Variants in CDKL1 observed in about 807,000 individuals in gnomAD.
CDKL1 encodes cyclin-dependent kinase-like 1.
CDKL1 carries 41 observed loss-of-function variants against 42.0 expected under a neutral mutation model. The observed-to-expected ratio is 0.98, with a 90% CI of 0.76 to 1.27. CDKL1 has a LOEUF of 1.27. CDKL1 is among the 50% of genes most tolerant of loss of function. The pLI is 0.00. For synonymous variants in CDKL1, 153 were observed against 158.6 expected, an observed-to-expected ratio of 0.96 and a Z score of 0.26; for missense variants, 394 against 428.4, an observed-to-expected ratio of 0.92 and a Z score of 0.71.
At chr14:50,336,304 CTGGGAAGCCA>C (rs1386438146) in intron 7 of CDKL1, 8 of 1,197,176 alleles carry the variant, frequency 6.7e-6, no homozygotes, top group African/African-American at 1.6e-5. Context: ...AGGACAATCT[CTGGGAAGCCA>C]TGGGAAGCTT....
intron 2 of CDKL1, among the ~76,000 whole-genome samples, chr14:50,370,965 T>G (rs767340621): frequency 3.2e-4 from 48 of 152,158 alleles, no homozygotes; most frequent in Non-Finnish European, 5.7e-4. Flanking sequence ...ATCAATGAAT[T>G]CACTTGTTTC....
chr14:50,356,949 T>C (rs1046550755), intron 3 of CDKL1: 5 of 152,104 alleles, frequency 3.3e-5, no homozygotes, highest in African/African-American at 9.7e-5. Context: ...TCAAACTATA[T>C]GCCAAAAAAA....
intron 2 of CDKL1, among the ~76,000 whole-genome samples, chr14:50,372,503 C>G (rs1403467417): frequency 1.3e-5 from 2 of 152,182 alleles, no homozygotes; most frequent in Admixed American, 6.5e-5. Flanking sequence ...TAGGTTGTTT[C>G]TTTACAGTGT....
chr14:50,338,805 C>G, intron 7 of CDKL1, 142 bp downstream of exon 7: 1 of 676,204 alleles, frequency 1.5e-6, no homozygotes, highest in Non-Finnish European at 2.7e-6. Flanking sequence ...GCTAAAGTCT[C>G]GCTAGCCAAT....
chr14:50,329,059 A>T lies in CDKL1; in HGVS notation c.*1015T>A, dbSNP rs2032811790. ...AGCATATATATATATATATATATAT[A>T]TATACATACACATACATACACATAC... is the stretch of plus-strand genomic sequence containing the variant. On this transcript the variant is annotated 3_prime_UTR_variant, in exon 10 of 10. Transcript: ENST00000395834. 1 of 149,012 alleles carries T rather than the reference A, an allele frequency of 6.7e-6. No homozygotes were observed. The highest frequency in any genetic ancestry group is 1.5e-5 in the Non-Finnish European group (1 of 67,358). The allele number at this position is 149,012 out of a possible 1,614,324, so 9.2% of individuals were successfully genotyped here.
At chr14:50,385,055 A>T (rs2035033566) in intron 2 of CDKL1, among the ~76,000 whole-genome samples, 1 of 126,182 alleles carries the variant, frequency 7.9e-6, no homozygotes, top group African/African-American at 3.1e-5. Context: ...TGGGTGACAG[A>T]GCAAGACTCT....
chr14:50,392,932 T>C (rs1279388891), intron 2 of CDKL1, among the ~76,000 whole-genome samples: 1 of 152,198 alleles, frequency 6.6e-6, no homozygotes, highest in African/African-American at 2.4e-5. Context: ...TAGATTCCTA[T>C]GTGCTCTTCT....
intron 9 of CDKL1, chr14:50,331,731 T>C (rs1303882000): frequency 5.3e-6 from 2 of 374,104 alleles, no homozygotes; most frequent in Non-Finnish European, 4.8e-6. Flanking sequence ...CAATCAGGAT[T>C]CTTCACAGTC....
intron 2 of CDKL1, among the ~76,000 whole-genome samples, chr14:50,369,020 C>T (rs984275210): frequency 2.6e-5 from 4 of 151,892 alleles, no homozygotes; most frequent in African/African-American, 7.3e-5. Context: ...GTGTGCACCA[C>T]CATGCCTGGC....
In CDKL1 at chr14:50,366,676, G is replaced by A. The variant is rs529183800; in HGVS notation, c.169-7527C>T. On this transcript the variant is annotated intron_variant, in intron 2 of 9. Transcript: ENST00000395834. ...TGACTTGGAGCAGAGCAGAGGCAGG[G>A]TAGTCGGTGAGAAGCATTGTCTTGA... Among the ~76,000 whole-genome samples, 39 of 152,360 alleles carry A rather than the reference G, an allele frequency of 2.6e-4. No individual in the cohort carries two copies. The Middle Eastern group carries it at 0.01, about 40-fold the overall frequency.
chr14:50,391,937 C>T (rs902877297), intron 2 of CDKL1, among the ~76,000 whole-genome samples: 14 of 152,206 alleles, frequency 9.2e-5, no homozygotes, highest in Admixed American at 7.9e-4. Context: ...TAAAACTCTT[C>T]AAAACAGTTG....
At chr14:50,364,687 G>C (rs915980073) in intron 2 of CDKL1, among the ~76,000 whole-genome samples, 27 of 152,136 alleles carry the variant, frequency 1.8e-4, no homozygotes, top group Non-Finnish European at 3.2e-4. Flanking sequence ...GAAGCGCAAG[G>C]GCTGTACTGC....
At chr14:50,356,960 G>C (rs1048643014) in intron 3 of CDKL1, 1 of 152,018 alleles carries the variant, frequency 6.6e-6, no homozygotes, top group Non-Finnish European at 1.5e-5. Flanking sequence ...GCCAAAAAAA[G>C]AGCTGACTTT....
rs2035154619 is a variant in CDKL1, at chr14:50,388,536, A to T, written c.168+7165T>A. 2.0e-5 allele frequency among the ~76,000 whole-genome samples: 3 copies of T among 152,204 alleles called. No homozygotes were observed. The South Asian group carries it at 6.2e-4, about 31-fold the overall frequency. ...GCCTCCGTTGGCCGTTGGCCACAGC[A>T]CTATGTTAAAATCCCACCTTCTGCC... On this transcript the variant is annotated intron_variant, in intron 2 of 9. Transcript: ENST00000395834.
At chr14:50,381,602 A>G (rs1191393325) in intron 2 of CDKL1, among the ~76,000 whole-genome samples, 1 of 152,220 alleles carries the variant, frequency 6.6e-6, no homozygotes, top group Admixed American at 6.5e-5. Flanking sequence ...GGAAAGTACT[A>G]TGAGAGAAGG....
In CDKL1 at chr14:50,378,609, C is replaced by G. The variant is rs187333961; in HGVS notation, c.168+17092G>C. 7.8e-3 allele frequency among the ~76,000 whole-genome samples: 1,186 copies of G among 152,180 alleles called. 12 individuals carry two copies. Among genetic ancestry groups the G allele is most frequent in the African/African-American group, 0.027 (1,124 of 41,512 alleles). On this transcript the variant is annotated intron_variant, in intron 2 of 9. Coordinates refer to ENST00000395834, the MANE Select transcript of CDKL1 (RefSeq NM_004196.7). ...AGTGCAGTGGCATGATCATCGCTCCCTGCAGCCTTGAACTCCTAGGCTCAA... is the reference window on the plus strand; with the variant it reads ...AGTGCAGTGGCATGATCATCGCTCCGTGCAGCCTTGAACTCCTAGGCTCAA...
intron 1 of CDKL1, 35 bp from the exon 2 acceptor site, chr14:50,396,364 G>C (rs1434156998): frequency 3.0e-6 from 3 of 985,872 alleles, no homozygotes; most frequent in Non-Finnish European, 3.6e-6. Context: ...GGAATGAAGA[G>C]TGTACCCGTG....
intron 2 of CDKL1, among the ~76,000 whole-genome samples, chr14:50,366,600 G>A (rs962938652): frequency 2.6e-5 from 4 of 152,218 alleles, no homozygotes; most frequent in African/African-American, 9.7e-5. Flanking sequence ...ATATAGAATG[G>A]CTTGGAGGAC....
chr14:50,397,019 C>T (rs1375626978), upstream of CDKL1: 4 of 1,207,350 alleles, frequency 3.3e-6, no homozygotes, highest in Admixed American at 2.5e-5. Context: ...AGGGAAAGGC[C>T]TCGGAGGGCC....
Sources: gnomAD v4.1 joint callset for allele counts (sites outside exome capture counted in the v4.1 genomes callset) on GRCh38, gnomAD v4.1.1 for gene constraint, MANE v1.5 for transcripts, NCBI Gene and HGNC (gene_info 2026-07-23, HGNC 2026-07-21) for gene names.